Variants in ZNF737 observed in about 807,000 individuals in gnomAD.
The protein encoded by ZNF737 is zinc finger protein 102 (Y3).
Under a neutral mutation model 11.7 loss-of-function variants are expected in ZNF737, and 13 were observed. That is an observed-to-expected ratio of 1.11 (90% confidence interval 0.73 to 1.77). The LOEUF is 1.77. Among genes scored for constraint, ZNF737 ranks in the 40% most tolerant of loss-of-function variants. The pLI, the probability that ZNF737 is intolerant of heterozygous loss-of-function variation, is 0.00. For synonymous variants in ZNF737, 217 were observed against 216.2 expected, an observed-to-expected ratio of 1.00 and a Z score of -0.03; for missense variants, 636 against 638.0, an observed-to-expected ratio of 1.00 and a Z score of 0.03.
rs782459725 is a variant in ZNF737, at chr19:20,545,940, T to C, written c.263A>G (p.Glu88Gly). 18 of 1,568,378 alleles carry C rather than the reference T, an allele frequency of 1.1e-5. No individual in the cohort carries two copies. Among genetic ancestry groups the C allele is most frequent in the Non-Finnish European group, 1.5e-5 (17 of 1,162,296 alleles). The change falls in exon 4 of 4, where the codon GAG becomes GGG. Residue 88 changes from glutamate to glycine, a missense_variant. Glu to Gly is a moderately conservative substitution (Grantham distance 98, BLOSUM62 -2). Transcript: ENST00000427401. ...CSHFARDLWP[E>G]QSIKDSFQKV... The stretch of plus-strand genomic sequence containing the variant: ...TTGGAAAGAATCTTTTATGCTCTGC[T>C]CTGGCCAAAGATCTCGGGCAAAATG...
chr19:20,544,683 T>C lies in ZNF737; in HGVS notation c.1520A>G (p.Lys507Arg), dbSNP rs148547294. ...TRHKRIHTGE[K>R]PYKCEECGKG... The stretch of plus-strand genomic sequence containing the variant: ...GCCACATTCTTCACATTTGTAGGGT[T>C]TCTCTCCAGTATGAATTCTCTTATG... The change falls in exon 4 of 4, where the codon AAA (lysine) becomes AGA (arginine). Residue 507 changes from lysine (K) to arginine (R), a missense_variant. Lys to Arg is a conservative substitution (Grantham distance 26, BLOSUM62 2). Transcript: ENST00000427401. 215 of 1,607,162 alleles carry C rather than the reference T, an allele frequency of 1.3e-4. No individual in the cohort carries two copies. The African/African-American group carries it at 2.6e-3, about 20-fold the overall frequency.
Position 20,543,769 on chromosome 19 carries a change from ATG to A in ZNF737, c.*821_*822del. On this transcript the variant is annotated 3_prime_UTR_variant, in exon 4 of 4. Transcript: ENST00000427401. ...GAAGTTGGAGGTGTTCGTAAAAGCA[ATG>A]TCACATTTTTTAGCTTTGCGGATTT... 3.0e-6 allele frequency: 3 copies of A among 985,444 alleles called. No individual in the cohort carries two copies. Among genetic ancestry groups the A allele is most frequent in the Non-Finnish European group, 3.6e-6 (3 of 829,938 alleles). The allele number at this position is 985,444 out of a possible 1,614,324, so 61.0% of individuals were successfully genotyped here.
rs1968317547 is a variant in ZNF737 at position 20,543,824 on chromosome 19, C to T, written c.*768G>A. On this transcript the variant is annotated 3_prime_UTR_variant, in exon 4 of 4. Transcript: ENST00000427401. Reference sequence around the variant, plus strand: ...TCTTCAACATGAATTATTGCCATGCCTCTTAAGAATTGAGAACTTGTGGCT... The same window carrying T: ...TCTTCAACATGAATTATTGCCATGCTTCTTAAGAATTGAGAACTTGTGGCT... 1.0e-6 allele frequency: 1 copy of T among 985,402 alleles called. No individual in the cohort carries two copies. Among genetic ancestry groups the T allele is most frequent in the Non-Finnish European group, 1.2e-6 (1 of 829,942 alleles). 61.0% of individuals were successfully genotyped at this position (985,402 alleles called of 1,614,324 possible). A position where few individuals can be genotyped will look rare whatever the true frequency, so the allele number is the denominator to read the frequency against.
intron 1 of ZNF737, among the ~76,000 whole-genome samples, chr19:20,555,429 G>A (rs971972995): frequency 3.3e-5 from 5 of 151,828 alleles, no homozygotes; most frequent in Non-Finnish European, 7.4e-5. Flanking sequence ...GGATCTGCCC[G>A]CTTCAGCCTC....
chr19:20,545,518 A>G lies in ZNF737; in HGVS notation c.685T>C (p.Tyr229His). ...HKRIHTGEKR[Y>H]KCEDCGKAFS... ...GCTTTGCCACAGTCTTCACATTTGT[A>G]CCGTTTCTCTCCAGTATGAATTCTC... Residue 229 changes from tyrosine (Y) to histidine (H), a missense_variant, in exon 4 of 4, where the codon TAC becomes CAC. Physicochemically the swap from Tyr to His is moderately conservative, Grantham distance 83. Transcript: ENST00000427401. The G allele has an allele frequency of 6.2e-7, 1 of 1,613,520 alleles. No individual in the cohort carries two copies. Among genetic ancestry groups the G allele is most frequent in the South Asian group, 1.1e-5 (1 of 91,040 alleles).
Position 20,545,189 on chromosome 19 carries a change from C to G in ZNF737, c.1014G>C (p.Glu338Asp), listed in dbSNP as rs782656519. Residue 338 changes from glutamate to aspartate, a missense_variant, in exon 4 of 4, where the codon GAG becomes GAC. Glu to Asp is a conservative substitution (Grantham distance 45). Transcript: ENST00000427401. ...LTTHKRIHTG[E>D]KPYKCEECGR... Reference sequence around the variant, plus strand: ...CACATTCTTCACATTTGTAGGGTTTCTCTCCAGTATGAATTCTTTTATGTG... The same window carrying G: ...CACATTCTTCACATTTGTAGGGTTTGTCTCCAGTATGAATTCTTTTATGTG... 1.2e-6 allele frequency: 2 copies of G among 1,613,860 alleles called. No homozygotes were observed. Among genetic ancestry groups the G allele is most frequent in the African/African-American group, 2.7e-5 (2 of 75,026 alleles).
chr19:20,558,523 A>G (rs755503940), intron 1 of ZNF737, among the ~76,000 whole-genome samples: 1 of 152,114 alleles, frequency 6.6e-6, no homozygotes, highest in Non-Finnish European at 1.5e-5. Context: ...TTTAATGGCC[A>G]TATAAAATGG....
In ZNF737 at chr19:20,539,166, T is replaced by G; in HGVS notation, c.*5426A>C. The stretch of plus-strand genomic sequence containing the variant: ...TTATCCGGGCATAATGGCGGGTGCC[T>G]GTTATCCCAGCTACTCAGGAGGCTG... On this transcript the variant is annotated 3_prime_UTR_variant, in exon 4 of 4. Coordinates refer to ENST00000427401, the MANE Select transcript of ZNF737 (RefSeq NM_001159293.2). 3 of 583,662 alleles carry G rather than the reference T, an allele frequency of 5.1e-6. No homozygotes were observed. Among genetic ancestry groups the G allele is most frequent in the Non-Finnish European group, 6.5e-6 (3 of 463,548 alleles). The allele number at this position is 583,662 out of a possible 1,614,324, so 36.2% of individuals were successfully genotyped here.
rs1469673208 is a variant in ZNF737, at chr19:20,542,641, A to G, written c.*1951T>C. On this transcript the variant is annotated 3_prime_UTR_variant, in exon 4 of 4. Coordinates refer to ENST00000427401, the MANE Select transcript of ZNF737 (RefSeq NM_001159293.2). ...AATTATTTCTTTGTGTCACTATAAT[A>G]AAGTATTGCTCTGAACATTTACGTT... is the stretch of plus-strand genomic sequence containing the variant. The G allele has an allele frequency of 2.0e-6, 2 of 977,696 alleles. No homozygotes were observed. The highest frequency in any genetic ancestry group is 4.7e-5 in the South Asian group (1 of 21,092). The allele number at this position is 977,696 out of a possible 1,614,324, so 60.6% of individuals were successfully genotyped here.
At chr19:20,565,579 TC>T (rs1244850475) in intron 1 of ZNF737, 58 bp downstream of exon 1, 1 of 1,613,782 alleles carries the variant, frequency 6.2e-7, no homozygotes, top group East Asian at 2.2e-5. Flanking sequence ...CACAGCCACT[TC>T]CCACCGGTTC....
At chr19:20,531,480 C>T (rs1175809154), downstream of ZNF737, among the ~76,000 whole-genome samples, 14 of 148,582 alleles carry the variant, frequency 9.4e-5, no homozygotes, top group East Asian at 2.0e-4. Flanking sequence ...TGTTTTGAAT[C>T]GAGTCTTGCC....
Position 20,545,835 on chromosome 19 carries a change from C to G in ZNF737, c.368G>C (p.Cys123Ser). 2 of 1,613,700 alleles carry G rather than the reference C, an allele frequency of 1.2e-6. No individual in the cohort carries two copies. The highest frequency in any genetic ancestry group is 1.7e-6 in the Non-Finnish European group (2 of 1,179,900). ...FKKGCESVDE[C>S]KVHKRGYNGL... The stretch of plus-strand genomic sequence containing the variant: ...ATTATAACCTCTTTTGTGCACCTTA[C>G]ACTCATCTACACTTTCACAGCCCTT... The change falls in exon 4 of 4, where the codon TGT (cysteine) becomes TCT (serine). Residue 123 changes from cysteine (C) to serine (S), a missense_variant. Transcript: ENST00000427401.
At chr19:20,533,383 TAAAG>T (rs573246277), downstream of ZNF737, among the ~76,000 whole-genome samples, 445 of 150,144 alleles carry the variant, frequency 3.0e-3, 32 homozygotes, top group African/African-American at 0.01. Context: ...TGAATATATA[TAAAG>T]ATTGTTCCAG....
intron 3 of ZNF737, among the ~76,000 whole-genome samples, chr19:20,546,263 C>A (rs539173484): frequency 1.3e-5 from 2 of 152,164 alleles, no homozygotes; most frequent in African/African-American, 4.8e-5. Context: ...CCCAACAGAG[C>A]TCTTCCTGCT....
At chr19:20,548,785 C>T (rs906497060) in intron 3 of ZNF737, among the ~76,000 whole-genome samples, 1 of 151,290 alleles carries the variant, frequency 6.6e-6, no homozygotes, top group African/African-American at 2.4e-5. Flanking sequence ...CCATATGTTG[C>T]CCTGGCTGGT....
intron 3 of ZNF737, among the ~76,000 whole-genome samples, chr19:20,548,179 C>G (rs1233460212): frequency 1.3e-5 from 2 of 151,836 alleles, no homozygotes; most frequent in Non-Finnish European, 2.9e-5. Context: ...CAAAAATATG[C>G]AACACAGGAC....
At position 20,539,073 on chromosome 19, in the gene ZNF737, A is replaced by C. The variant is rs1968092573; in HGVS notation, c.*5519T>G. The C allele has an allele frequency of 1.2e-6, 1 of 835,588 alleles. No individual in the cohort carries two copies. Among genetic ancestry groups the C allele is most frequent in the African/African-American group, 1.8e-5 (1 of 54,186 alleles). 51.8% of individuals were successfully genotyped at this position (835,588 alleles called of 1,614,324 possible). On this transcript the variant is annotated 3_prime_UTR_variant, in exon 4 of 4. Coordinates refer to ENST00000427401, the MANE Select transcript of ZNF737 (RefSeq NM_001159293.2). The stretch of plus-strand genomic sequence containing the variant: ...CACTCTGGGAGGCTGAGGTGGATGG[A>C]TCACCTGAGGTCAGGAGTTCAAGAC...
downstream of ZNF737, chr19:20,535,984 T>C (rs1327237191): frequency 2.6e-6 from 2 of 783,272 alleles, no homozygotes; most frequent in African/African-American, 3.8e-5. Flanking sequence ...ATATTTTCTT[T>C]TATTTTCCAC....
chr19:20,541,245 G>T lies in ZNF737; in HGVS notation c.*3347C>A. ...GTAATTGCTTTTATTCTGAAAATAT[G>T]TACAAACCTATACTCACACAAAAAC... On this transcript the variant is annotated 3_prime_UTR_variant, in exon 4 of 4. Coordinates refer to ENST00000427401, the MANE Select transcript of ZNF737 (RefSeq NM_001159293.2). 1.0e-6 allele frequency: 1 copy of T among 984,312 alleles called. No individual in the cohort carries two copies. Among genetic ancestry groups the T allele is most frequent in the Non-Finnish European group, 1.2e-6 (1 of 829,020 alleles). 61.0% of individuals were successfully genotyped at this position (984,312 alleles called of 1,614,324 possible).
Sources: gnomAD v4.1 joint callset for allele counts (sites outside exome capture counted in the v4.1 genomes callset) on GRCh38, gnomAD v4.1.1 for gene constraint, MANE v1.5 for transcripts, NCBI Gene and HGNC (gene_info 2026-07-23, HGNC 2026-07-21) for gene names.